CUBN: variants seen among roughly 807,000 people sequenced by gnomAD.
CUBN encodes the protein cubilin.
A neutral mutation model predicts 405.3 loss-of-function variants in CUBN; 282 were observed. That is an observed-to-expected ratio of 0.70 (90% CI 0.63 to 0.77). CUBN has a LOEUF of 0.77. CUBN is among the 30% of genes least tolerant of loss of function. The pLI is 0.00. For missense variants in CUBN, 4,514 were observed against 4,475.2 expected (o/e 1.01, Z -0.25); for synonymous variants, 1,684 against 1,617.0 (o/e 1.04, Z -0.99).
chr10:16,840,617 G>C lies in CUBN; in HGVS notation c.9827-82C>G. 2.6e-6 allele frequency: 3 copies of C among 1,171,434 alleles called. No individual in the cohort carries two copies. In the South Asian group the frequency reaches 3.9e-5, roughly 15 times the overall value. The allele number at this position is 1,171,434 out of a possible 1,614,324, so 72.6% of individuals were successfully genotyped here. A position where few individuals can be genotyped will look rare whatever the true frequency, so the allele number is the denominator to read the frequency against. ...CAATCTTTGCAATTCTGTCTTCCCT[G>C]CCTCCCACCCCGGAGGAGCTATATT... On this transcript the variant is annotated intron_variant, in intron 61 of 66. Coordinates refer to ENST00000377833, the MANE Select transcript of CUBN (RefSeq NM_001081.4).
At chr10:16,977,520 C>T (rs772152700) in intron 31 of CUBN, among the ~76,000 whole-genome samples, 1 of 152,182 alleles carries the variant, frequency 6.6e-6, no homozygotes, top group Non-Finnish European at 1.5e-5. Flanking sequence ...CTTTCCACCC[C>T]CTTTCCAGCT....
At chr10:16,892,494 A>T (rs1048509491) in intron 54 of CUBN, among the ~76,000 whole-genome samples, 2 of 151,906 alleles carry the variant, frequency 1.3e-5, no homozygotes, top group Admixed American at 1.3e-4. Flanking sequence ...TATATATTTT[A>T]TATATATATG....
intron 55 of CUBN, among the ~76,000 whole-genome samples, chr10:16,889,667 G>A (rs1377193669): frequency 1.3e-5 from 2 of 151,860 alleles, no homozygotes; most frequent in African/African-American, 2.4e-5. Flanking sequence ...AGGCCGAGGC[G>A]GGCGGTTCAC....
intron 22 of CUBN, among the ~76,000 whole-genome samples, chr10:17,056,644 AGATCCT>A (rs1835403674): frequency 1.3e-5 from 2 of 152,158 alleles, no homozygotes; most frequent in Admixed American, 1.3e-4. Flanking sequence ...TGCACGTGGG[AGATCCT>A]GATAACTTCG....
chr10:17,039,034 C>A (rs951730567), intron 27 of CUBN, among the ~76,000 whole-genome samples: 82 of 152,230 alleles, frequency 5.4e-4, no homozygotes, highest in South Asian at 1.9e-3. Flanking sequence ...TCAAATGAGT[C>A]GAAAGAAATG....
At chr10:17,089,564 T>C (rs1372015614) in intron 14 of CUBN, among the ~76,000 whole-genome samples, 1 of 152,110 alleles carries the variant, frequency 6.6e-6, no homozygotes, top group Admixed American at 6.5e-5. Flanking sequence ...TTCTTACCCC[T>C]CAGAATGTTA....
intron 40 of CUBN, among the ~76,000 whole-genome samples, chr10:16,930,399 T>C (rs1047976884): frequency 1.3e-5 from 2 of 152,226 alleles, no homozygotes; most frequent in Non-Finnish European, 2.9e-5. Context: ...GCCACTTTGC[T>C]GTATGCAAGG....
At chr10:16,975,357 C>A (rs371604622) in intron 31 of CUBN, among the ~76,000 whole-genome samples, 1 of 152,308 alleles carries the variant, frequency 6.6e-6, no homozygotes, top group South Asian at 2.1e-4. Flanking sequence ...TCATAGAAAA[C>A]CTTGTCTGTG....
chr10:16,952,425 C>T (rs1163772317), intron 32 of CUBN, 36 bp from the exon 33 acceptor site: 2 of 1,157,894 alleles, frequency 1.7e-6, no homozygotes, highest in Admixed American at 1.7e-5. Context: ...ATGTCATATG[C>T]TTTTCATTTC....
chr10:17,065,468 T>A, intron 22 of CUBN, 40 bp downstream of exon 22: 1 of 1,610,850 alleles, frequency 6.2e-7, no homozygotes, highest in Non-Finnish European at 8.5e-7. Flanking sequence ...TGTTTTGCAA[T>A]GGAGTCAATA....
At chr10:17,077,351 C>G (rs765085626) in intron 17 of CUBN, among the ~76,000 whole-genome samples, 1 of 152,034 alleles carries the variant, frequency 6.6e-6, no homozygotes, top group Non-Finnish European at 1.5e-5. Flanking sequence ...ATAGAGAGAA[C>G]TAAAATTTAC....
chr10:16,939,245 T>A (rs1484897047), intron 37 of CUBN, 98 bp from the exon 38 acceptor site: 9 of 947,506 alleles, frequency 9.5e-6, no homozygotes, highest in Non-Finnish European at 1.5e-5. Context: ...AAGGATGGAC[T>A]TTTAATTGAC....
At chr10:16,838,485 A>G (rs1268004263) in intron 62 of CUBN, among the ~76,000 whole-genome samples, 2 of 152,162 alleles carry the variant, frequency 1.3e-5, no homozygotes, top group African/African-American at 2.4e-5. Context: ...TTCCCCAGAT[A>G]ATCTCATTCT....
At chr10:16,963,651 TA>T (rs1016896905) in intron 31 of CUBN, among the ~76,000 whole-genome samples, 1 of 152,174 alleles carries the variant, frequency 6.6e-6, no homozygotes, top group Non-Finnish European at 1.5e-5. Context: ...GCAAGCAACT[TA>T]AATGTTCATT....
chr10:16,848,125 CCTT>C (rs1839574549), intron 60 of CUBN, among the ~76,000 whole-genome samples: 1 of 152,148 alleles, frequency 6.6e-6, no homozygotes, highest in Middle Eastern at 3.4e-3. Context: ...GAAAATAACT[CCTT>C]GTTTTTGATA....
At chr10:17,119,858 A>G (rs1013486973) in intron 6 of CUBN, among the ~76,000 whole-genome samples, 1 of 152,256 alleles carries the variant, frequency 6.6e-6, no homozygotes, top group African/African-American at 2.4e-5. Flanking sequence ...TGTTCTAAAA[A>G]AGAATTTCCA....
At chr10:17,016,342 G>T (rs1393291467) in intron 28 of CUBN, among the ~76,000 whole-genome samples, 1 of 152,158 alleles carries the variant, frequency 6.6e-6, no homozygotes, top group Non-Finnish European at 1.5e-5. Context: ...CCATACTGGG[G>T]AAGGCTTTTT....
Position 17,045,051 on chromosome 10 carries a change from A to G in CUBN, c.3628T>C (p.Phe1210Leu). 6.2e-7 allele frequency: 1 copy of G among 1,614,092 alleles called. No homozygotes were observed. Among genetic ancestry groups the G allele is most frequent in the South Asian group, 1.1e-5 (1 of 91,080 alleles). ...CAGTTTGGATGATGCTCCAAGTGAA[A>G]GTCTTTGAATTCCAGTTCAAATGCG... The part of the protein sequence containing the change: ...GSAFELEFKD[F>L]HLEHHPNCTL... Residue 1210 changes from phenylalanine to leucine, a missense_variant, in exon 25 of 67, where the codon TTT becomes CTT. Physicochemically the swap from Phe to Leu is conservative, Grantham distance 22. Transcript: ENST00000377833.
intron 39 of CUBN, among the ~76,000 whole-genome samples, chr10:16,934,886 G>T (rs1842457036): frequency 6.6e-6 from 1 of 152,188 alleles, no homozygotes; most frequent in African/African-American, 2.4e-5. Flanking sequence ...AGAGGAACAT[G>T]TAGAAGGAGA....
Sources: gnomAD v4.1 joint callset for allele counts (sites outside exome capture counted in the v4.1 genomes callset) on GRCh38, gnomAD v4.1.1 for gene constraint, MANE v1.5 for transcripts, NCBI Gene and HGNC (gene_info 2026-07-23, HGNC 2026-07-21) for gene names.